The following CADM1 variants were observed in gnomAD, a reference collection of about 807,000 sequenced individuals.
The protein encoded by CADM1 is TSLC-1.
CADM1 carries 15 observed loss-of-function variants against 53.1 expected under a neutral mutation model. The observed-to-expected ratio is 0.28, with a 90% CI of 0.19 to 0.44. The LOEUF is 0.44. Among genes scored for constraint, CADM1 ranks in the 20% least tolerant of loss-of-function variants. The probability of loss-of-function intolerance (pLI) is 1.00; values close to 1 mark genes in which losing one functional copy is unlikely to be tolerated. For missense variants in CADM1, 434 were observed against 611.3 expected, an observed-to-expected ratio of 0.71 and a Z score of 3.06; for synonymous variants, 281 against 243.0, an observed-to-expected ratio of 1.16 and a Z score of -1.45.
In CADM1 at chr11:115,175,103, A is replaced by C; in HGVS notation, c.*1371T>G. On this transcript the variant is annotated 3_prime_UTR_variant, in exon 12 of 12. Transcript: ENST00000331581. ...CTAGTGTATGAAAGGTAAAAAGATAAAAACACTCACATTTGAGTTTTGATT... is the reference window on the plus strand; with the variant it reads ...CTAGTGTATGAAAGGTAAAAAGATACAAACACTCACATTTGAGTTTTGATT... The C allele has an allele frequency of 1.0e-6, 1 of 985,874 alleles. No individual in the cohort carries two copies. Among genetic ancestry groups the C allele is most frequent in the Non-Finnish European group, 1.2e-6 (1 of 829,942 alleles). The allele number at this position is 985,874 out of a possible 1,614,324, so 61.1% of individuals were successfully genotyped here.
intron 3 of CADM1, among the ~76,000 whole-genome samples, chr11:115,237,563 T>C (rs547016026): frequency 1.1e-4 from 16 of 152,360 alleles, no homozygotes; most frequent in African/African-American, 3.6e-4. Context: ...CTTTCCTCTT[T>C]AATCTTCCTA....
intron 11 of CADM1, 136 bp from the exon 12 acceptor site, chr11:115,176,728 G>T (rs1397165923): frequency 1.3e-6 from 1 of 783,418 alleles, no homozygotes; most frequent in African/African-American, 1.7e-5. Context: ...ACAATTGGAA[G>T]AAGAGAGCGG....
chr11:115,289,579 TTTTC>T (rs1943824955), intron 1 of CADM1, among the ~76,000 whole-genome samples: 1 of 118,628 alleles, frequency 8.4e-6, no homozygotes, highest in African/African-American at 4.1e-5. Context: ...AGGAACTGAA[TTTTC>T]TTTTTTTTTC....
chr11:115,341,282 G>C (rs1945439700), intron 1 of CADM1, among the ~76,000 whole-genome samples: 1 of 152,068 alleles, frequency 6.6e-6, no homozygotes, highest in Non-Finnish European at 1.5e-5. Flanking sequence ...ACTAGGATAA[G>C]CTTATATTCT....
chr11:115,337,202 C>T (rs977095354), intron 1 of CADM1, among the ~76,000 whole-genome samples: 13 of 152,106 alleles, frequency 8.5e-5, no homozygotes, highest in African/African-American at 3.1e-4. Flanking sequence ...TATGCTTCTG[C>T]AACTAGGTCC....
At chr11:115,341,755 A>G (rs1565375959) in intron 1 of CADM1, among the ~76,000 whole-genome samples, 1 of 152,226 alleles carries the variant, frequency 6.6e-6, no homozygotes, top group Admixed American at 6.5e-5. Context: ...AGAATAATAT[A>G]AAGATCCTTT....
At chr11:115,233,204 C>T (rs1941887609) in intron 3 of CADM1, among the ~76,000 whole-genome samples, 1 of 152,026 alleles carries the variant, frequency 6.6e-6, no homozygotes, top group Admixed American at 6.6e-5. Flanking sequence ...TTCCCGTGTA[C>T]AAGGAAAACA....
At chr11:115,411,745 C>T (rs537253112) in intron 1 of CADM1, among the ~76,000 whole-genome samples, 4 of 152,128 alleles carry the variant, frequency 2.6e-5, no homozygotes, top group East Asian at 3.9e-4. Flanking sequence ...CAGTTATCAA[C>T]GATTTGGGGC....
At chr11:115,228,802 T>C (rs2134840867) in intron 5 of CADM1, among the ~76,000 whole-genome samples, 1 of 152,132 alleles carries the variant, frequency 6.6e-6, no homozygotes, top group African/African-American at 2.4e-5. Context: ...AGGGGGAAAA[T>C]TACCCTAGAT....
chr11:115,292,483 T>C (rs1943931844), intron 1 of CADM1, among the ~76,000 whole-genome samples: 1 of 152,224 alleles, frequency 6.6e-6, no homozygotes, highest in African/African-American at 2.4e-5. Context: ...GGCACATCCT[T>C]ATCTGAGGCC....
At chr11:115,369,026 TAAAAAAAAAAAAAAAA>T (rs552309443) in intron 1 of CADM1, among the ~76,000 whole-genome samples, 3 of 44,748 alleles carry the variant, frequency 6.7e-5, no homozygotes, top group East Asian at 7.8e-4. Context: ...AAAAAAAATC[TAAAAAAAAAAAAAAAA>T]AAAAAAAAAA....
At chr11:115,200,647 C>T (rs185731517) in intron 8 of CADM1, among the ~76,000 whole-genome samples, 187 of 152,334 alleles carry the variant, frequency 1.2e-3, no homozygotes, top group African/African-American at 4.4e-3. Flanking sequence ...TGGCATGTGC[C>T]ACCACGCCTG....
At chr11:115,225,318 G>A (rs926578847) in intron 5 of CADM1, among the ~76,000 whole-genome samples, 1 of 150,650 alleles carries the variant, frequency 6.6e-6, no homozygotes. Flanking sequence ...AAAAAAGGGG[G>A]GGGGACTTTA....
At chr11:115,219,018 G>A (rs994640109) in intron 5 of CADM1, among the ~76,000 whole-genome samples, 6 of 152,042 alleles carry the variant, frequency 3.9e-5, no homozygotes, top group Non-Finnish European at 5.9e-5. Context: ...TCCCTAAATC[G>A]GTTTTCTCAT....
chr11:115,205,895 G>A (rs987208370), intron 8 of CADM1, among the ~76,000 whole-genome samples: 4 of 152,088 alleles, frequency 2.6e-5, no homozygotes, highest in African/African-American at 7.2e-5. Context: ...AAGTTGATAC[G>A]GCAAGTTGAC....
intron 1 of CADM1, among the ~76,000 whole-genome samples, chr11:115,477,178 T>C (rs1342318470): frequency 6.6e-6 from 1 of 151,888 alleles, no homozygotes; most frequent in African/African-American, 2.4e-5. Context: ...AAAGGAAATA[T>C]GAGAGCACAA....
chr11:115,392,492 C>T (rs1415396922), intron 1 of CADM1, among the ~76,000 whole-genome samples: 12 of 151,978 alleles, frequency 7.9e-5, no homozygotes, highest in Admixed American at 6.6e-4. Context: ...CACACATATA[C>T]GTACACATTA....
intron 1 of CADM1, among the ~76,000 whole-genome samples, chr11:115,499,266 TA>T (rs1156415028): frequency 1.3e-5 from 2 of 152,104 alleles, no homozygotes; most frequent in African/African-American, 4.8e-5. Context: ...AAAAGACAAA[TA>T]AAAAACTGTA....
chr11:115,193,570 A>C, intron 9 of CADM1, among the ~76,000 whole-genome samples: 1 of 152,236 alleles, frequency 6.6e-6, no homozygotes, highest in East Asian at 1.9e-4. Flanking sequence ...GGCTTCTAAA[A>C]GTGATACAAT....
Sources: gnomAD v4.1 joint callset for allele counts (sites outside exome capture counted in the v4.1 genomes callset) on GRCh38, gnomAD v4.1.1 for gene constraint, MANE v1.5 for transcripts, NCBI Gene and HGNC (gene_info 2026-07-23, HGNC 2026-07-21) for gene names.